The following ENTREP1 variants were observed in gnomAD, a reference collection of about 807,000 sequenced individuals.
ENTREP1 encodes the protein endosomal transmembrane epsin interactor 1.
At chr9:69,389,578 T>C in the ENTREP1 span, among the ~76,000 whole-genome samples, 1 of 152,194 alleles carries the variant, frequency 6.6e-6, no homozygotes, top group Admixed American at 6.5e-5. Flanking sequence ...CTAACCTATG[T>C]AGGGAAAACA....
At chr9:69,336,888 C>T in the ENTREP1 span, among the ~76,000 whole-genome samples, 1 of 151,728 alleles carries the variant, frequency 6.6e-6, no homozygotes, top group Admixed American at 6.6e-5. Flanking sequence ...TTAGTAGAGA[C>T]GGGGTTTCAC....
the ENTREP1 span, chr9:69,386,056 C>A: frequency 7.0e-6 from 7 of 995,488 alleles, no homozygotes; most frequent in South Asian, 3.3e-5. Context: ...TTTAAGTGGT[C>A]ATTTGAAGGA....
chr9:69,340,636 C>CATGTGTGTGTGCATGTGTGTGT, the ENTREP1 span, among the ~76,000 whole-genome samples: 122 of 120,528 alleles, frequency 1.0e-3, no homozygotes, highest in South Asian at 2.1e-3. Flanking sequence ...TGTGTGTGTG[C>CATGTGTGTGTGCATGTGTGTGT]GTGCATGTGT....
At chr9:69,383,196 C>A in the ENTREP1 span, 2 of 846,106 alleles carry the variant, frequency 2.4e-6, no homozygotes, top group Non-Finnish European at 2.8e-6. Flanking sequence ...TGAAATTAAC[C>A]AAAGTATATG....
the ENTREP1 span, chr9:69,392,048 C>G: frequency 1.4e-5 from 8 of 553,938 alleles, no homozygotes; most frequent in Non-Finnish European, 1.3e-5. Context: ...TCTTCTTCCT[C>G]TGCTGGGCCT....
the ENTREP1 span, among the ~76,000 whole-genome samples, chr9:69,366,104 A>G: frequency 1.3e-5 from 2 of 152,274 alleles, no homozygotes; most frequent in Middle Eastern, 3.4e-3. Context: ...GAATCTCCAT[A>G]CTGTGTTTCA....
At chr9:69,388,480 T>A in the ENTREP1 span, 1 of 1,512,604 alleles carries the variant, frequency 6.6e-7, no homozygotes, top group Non-Finnish European at 8.9e-7. Context: ...CAGGCATGAA[T>A]CAGATGACTC....
the ENTREP1 span, among the ~76,000 whole-genome samples, chr9:69,362,617 A>T: frequency 3.9e-5 from 6 of 152,324 alleles, no homozygotes; most frequent in South Asian, 1.2e-3. Flanking sequence ...GTTAATACTG[A>T]GTGTCAACTT....
At chr9:69,383,924 C>T in the ENTREP1 span, 3 of 1,605,908 alleles carry the variant, frequency 1.9e-6, no homozygotes, top group Admixed American at 1.7e-5. Flanking sequence ...AACAAAATAA[C>T]CCTGTTTTTT....
At chr9:69,333,002 A>G in the ENTREP1 span, among the ~76,000 whole-genome samples, 1 of 152,202 alleles carries the variant, frequency 6.6e-6, no homozygotes, top group South Asian at 2.1e-4. Context: ...AGCTGTTCCA[A>G]TGCACATGAA....
chr9:69,347,509 C>T, the ENTREP1 span, among the ~76,000 whole-genome samples: 12 of 152,226 alleles, frequency 7.9e-5, no homozygotes, highest in African/African-American at 1.4e-4. Context: ...TGCCTTCCCA[C>T]GGCAGGCTTG....
chr9:69,349,721 C>T, the ENTREP1 span, among the ~76,000 whole-genome samples: 1,480 of 152,228 alleles, frequency 9.7e-3, 24 homozygotes, highest in African/African-American at 0.034. Context: ...ATGTATTTAA[C>T]GCACCTCGAG....
chr9:69,374,913 G>T, the ENTREP1 span, among the ~76,000 whole-genome samples: 1 of 152,212 alleles, frequency 6.6e-6, no homozygotes, highest in African/African-American at 2.4e-5. Flanking sequence ...ATTCTGCAAG[G>T]ATCAGGAATA....
chr9:69,334,291 C>T, the ENTREP1 span, among the ~76,000 whole-genome samples: 113,617 of 152,180 alleles, frequency 0.75, 42,577 homozygotes, highest in South Asian at 0.8. Context: ...GGTGGGCAGG[C>T]AGCTAGTAGT....
At chr9:69,333,236 G>C in the ENTREP1 span, among the ~76,000 whole-genome samples, 12 of 151,884 alleles carry the variant, frequency 7.9e-5, no homozygotes, top group African/African-American at 2.7e-4. Flanking sequence ...GTGTAGGTGA[G>C]GGGGGCAGAA....
the ENTREP1 span, among the ~76,000 whole-genome samples, chr9:69,374,412 C>T: frequency 3.3e-5 from 5 of 152,130 alleles, 1 homozygote; most frequent in Admixed American, 3.3e-4. Flanking sequence ...AAGAGTTTTC[C>T]AAAGTGGTTG....
chr9:69,343,168 A>G, the ENTREP1 span, among the ~76,000 whole-genome samples: 1 of 152,260 alleles, frequency 6.6e-6, no homozygotes, highest in African/African-American at 2.4e-5. Context: ...GCCCTCAGAC[A>G]AAAGAATTGT....
chr9:69,343,606 G>T, the ENTREP1 span, among the ~76,000 whole-genome samples: 2 of 152,022 alleles, frequency 1.3e-5, no homozygotes, highest in African/African-American at 4.8e-5. Flanking sequence ...TAATTAGTTT[G>T]GTCAATATCG....
At chr9:69,374,845 A>G in the ENTREP1 span, among the ~76,000 whole-genome samples, 2 of 152,206 alleles carry the variant, frequency 1.3e-5, no homozygotes, top group Non-Finnish European at 2.9e-5. Context: ...AGAAGTGAGA[A>G]TAAGTTTTTA....
Sources: allele counts gnomAD v4.1 joint callset (sites outside exome capture counted in the v4.1 genomes callset), GRCh38; gene constraint gnomAD v4.1.1; transcripts MANE v1.5; gene names NCBI Gene and HGNC (gene_info 2026-07-23, HGNC 2026-07-21).